The following DISP1 variants were observed in gnomAD, a reference collection of about 807,000 sequenced individuals.
DISP1 encodes dispatched RND transporter family member 1.
A neutral mutation model predicts 37.3 loss-of-function variants in DISP1; 30 were observed. That is an observed-to-expected ratio of 0.80 (90% CI 0.60 to 1.09). DISP1 has a LOEUF of 1.09. Ranked by LOEUF, DISP1 falls within the 50% of genes least tolerant of loss-of-function variation. DISP1 has a pLI of 0.00. For synonymous variants in DISP1, 634 were observed against 690.2 expected, an observed-to-expected ratio of 0.92 and a Z score of 1.28; for missense variants, 1,598 against 1,879.5, an observed-to-expected ratio of 0.85 and a Z score of 2.77.
chr1:222,965,819 T>C (rs1378889145), intron 3 of DISP1, among the ~76,000 whole-genome samples: 4 of 152,110 alleles, frequency 2.6e-5, no homozygotes, highest in African/African-American at 9.7e-5. Context: ...TCAGGACAGC[T>C]TTATTTAAAT....
chr1:222,818,155 T>C (rs148857440), intron 1 of DISP1, among the ~76,000 whole-genome samples: 1 of 149,120 alleles, frequency 6.7e-6, no homozygotes, highest in East Asian at 2.0e-4. Flanking sequence ...CATGGGGGGG[T>C]GGGGGAAGTT....
chr1:222,920,503 T>G (rs1672752909), intron 1 of DISP1, among the ~76,000 whole-genome samples: 2 of 152,180 alleles, frequency 1.3e-5, no homozygotes, highest in South Asian at 2.1e-4. Context: ...CTATCAAATA[T>G]GAGCCTTCTG....
chr1:222,869,784 C>A (rs966569562), intron 1 of DISP1, among the ~76,000 whole-genome samples: 2 of 151,740 alleles, frequency 1.3e-5, no homozygotes, highest in African/African-American at 4.8e-5. Context: ...CTTACCACCT[C>A]TTTTTTTTAA....
intron 1 of DISP1, among the ~76,000 whole-genome samples, chr1:222,863,635 C>T (rs190163020): frequency 1.3e-5 from 2 of 151,864 alleles, no homozygotes; most frequent in South Asian, 2.1e-4. Flanking sequence ...ATCTGTCATT[C>T]GATTCTTCCA....
In DISP1 at chr1:222,991,644, A is replaced by G; in HGVS notation, c.788A>G (p.Lys263Arg). ...YPFKYADEQA[K>R]SHRDDRWSDD... ...TTTAAATATGCAGATGAACAAGCCA[A>G]AAGGTAATCAATTATTTATTTTTAT... Residue 263 changes from lysine (K) to arginine (R), a missense_variant, in exon 6 of 9, where the codon AAA (lysine) becomes AGA (arginine). Physicochemically the swap from Lys to Arg is conservative, Grantham distance 26 (BLOSUM62 2). Transcript: ENST00000675850. 6.2e-7 allele frequency: 1 copy of G among 1,612,238 alleles called. No individual in the cohort carries two copies. The highest frequency in any genetic ancestry group is 8.5e-7 in the Non-Finnish European group (1 of 1,178,644).
intron 2 of DISP1, among the ~76,000 whole-genome samples, chr1:222,941,408 A>G (rs925803270): frequency 6.6e-6 from 1 of 152,182 alleles, no homozygotes; most frequent in African/African-American, 2.4e-5. Context: ...ATGTAAGACT[A>G]ATGAGGGAAG....
At chr1:222,832,634 C>G (rs766616628) in intron 1 of DISP1, among the ~76,000 whole-genome samples, 2 of 152,200 alleles carry the variant, frequency 1.3e-5, no homozygotes, top group Non-Finnish European at 2.9e-5. Flanking sequence ...GTGGCTCACA[C>G]CTATAATCCT....
chr1:222,999,353 A>G (rs17163660), intron 8 of DISP1, among the ~76,000 whole-genome samples: 17,401 of 152,136 alleles, frequency 0.11, 1,039 homozygotes, highest in East Asian at 0.28. Flanking sequence ...AATTATTCCT[A>G]TGAATCCCTC....
At chr1:222,905,393 A>G (rs945516102) in intron 1 of DISP1, among the ~76,000 whole-genome samples, 8 of 151,874 alleles carry the variant, frequency 5.3e-5, no homozygotes, top group Non-Finnish European at 7.4e-5. Flanking sequence ...TCATTTTCAA[A>G]CAACCATTAA....
At position 222,892,920 on chromosome 1, in the gene DISP1, T is replaced by C. The variant is rs192369053; in HGVS notation, c.-158-35510T>C. 2.9e-3 allele frequency among the ~76,000 whole-genome samples: 449 copies of C among 152,350 alleles called. 3 individuals are homozygous for C. The highest frequency in any genetic ancestry group is 0.01 in the African/African-American group (436 of 41,602). ...TATGTCTGGAATGTTTGTCATGAAA[T>C]AAAAGTCAAGTCTCAAGGCAATTAA... On this transcript the variant is annotated intron_variant, in intron 1 of 8. Transcript: ENST00000675850.
chr1:222,935,561 G>A (rs1401303818), intron 2 of DISP1, among the ~76,000 whole-genome samples: 1 of 152,130 alleles, frequency 6.6e-6, no homozygotes, highest in Non-Finnish European at 1.5e-5. Flanking sequence ...CTATTAGGAG[G>A]ATCAACTCAA....
chr1:222,999,102 G>A (rs563757009), intron 8 of DISP1, among the ~76,000 whole-genome samples: 20 of 152,164 alleles, frequency 1.3e-4, no homozygotes, highest in African/African-American at 4.8e-4. Context: ...AAAACTCTCT[G>A]CTGGTTTCTT....
chr1:222,876,247 T>A (rs1161593323), intron 1 of DISP1, among the ~76,000 whole-genome samples: 1 of 152,228 alleles, frequency 6.6e-6, no homozygotes, highest in Non-Finnish European at 1.5e-5. Flanking sequence ...GAGGTATGGC[T>A]GTGGTCAGTC....
At chr1:222,936,801 T>A (rs1321228451) in intron 2 of DISP1, among the ~76,000 whole-genome samples, 2 of 43,996 alleles carry the variant, frequency 4.5e-5, no homozygotes, top group African/African-American at 1.4e-4. Flanking sequence ...TATAATATAT[T>A]ATATATATAA....
At chr1:222,887,070 G>A (rs920654197) in intron 1 of DISP1, among the ~76,000 whole-genome samples, 3 of 152,158 alleles carry the variant, frequency 2.0e-5, no homozygotes, top group Non-Finnish European at 4.4e-5. Flanking sequence ...TTTAAAACCA[G>A]CTAAAAAGGA....
chr1:222,864,756 C>T (rs1393377221), intron 1 of DISP1, among the ~76,000 whole-genome samples: 1 of 152,118 alleles, frequency 6.6e-6, no homozygotes, highest in Non-Finnish European at 1.5e-5. Context: ...AATTCTCTTC[C>T]TATACCCGCT....
At chr1:222,957,434 C>T (rs1675690316) in intron 3 of DISP1, among the ~76,000 whole-genome samples, 1 of 152,102 alleles carries the variant, frequency 6.6e-6, no homozygotes, top group East Asian at 1.9e-4. Context: ...ACTAAAAATA[C>T]AAAAATTAGC....
chr1:222,905,034 T>G (rs1671822437), intron 1 of DISP1, among the ~76,000 whole-genome samples: 1 of 152,166 alleles, frequency 6.6e-6, no homozygotes, highest in South Asian at 2.1e-4. Flanking sequence ...TTATTGACTT[T>G]TTAGGTGAGG....
At chr1:222,869,755 A>T (rs768531572) in intron 1 of DISP1, among the ~76,000 whole-genome samples, 309 of 152,286 alleles carry the variant, frequency 2.0e-3, no homozygotes, top group Non-Finnish European at 3.3e-3. Context: ...TGAGACTGTT[A>T]AAGAATTCAT....
Sources: allele counts gnomAD v4.1 joint callset (sites outside exome capture counted in the v4.1 genomes callset), GRCh38; gene constraint gnomAD v4.1.1; transcripts MANE v1.5; gene names NCBI Gene and HGNC (gene_info 2026-07-23, HGNC 2026-07-21).